Variants in HYDIN observed in about 807,000 individuals in gnomAD.
HYDIN encodes axonemal central pair apparatus protein HYDIN.
Under a neutral mutation model 403.9 loss-of-function variants are expected in HYDIN, and 132 were observed. The observed-to-expected ratio is 0.33, with a 90% CI of 0.28 to 0.38. The LOEUF (loss-of-function observed/expected upper bound fraction) is 0.38. HYDIN is among the 10% of genes least tolerant of loss of function. The probability of loss-of-function intolerance (pLI) is 1.00; values close to 1 mark genes in which losing one functional copy is unlikely to be tolerated. For synonymous variants in HYDIN, 1,202 were observed against 1,891.7 expected (o/e 0.64, Z 9.46); for missense variants, 2,827 against 5,009.5 (o/e 0.56, Z 13.15).
intron 47 of HYDIN, among the ~76,000 whole-genome samples, chr16:70,915,236 T>C (rs1300407741): frequency 1.3e-5 from 2 of 152,102 alleles, no homozygotes; most frequent in African/African-American, 2.4e-5. Flanking sequence ...ATTATCAGAG[T>C]TGGTTTTCTG....
Position 70,807,413 on chromosome 16 carries a change from G to T in HYDIN, c.*167C>A. 1 of 694,298 alleles carries T rather than the reference G, an allele frequency of 1.4e-6. No individual in the cohort carries two copies. The highest frequency in any genetic ancestry group is 2.3e-6 in the Non-Finnish European group (1 of 426,278). The allele number at this position is 694,298 out of a possible 1,614,324, so 43.0% of individuals were successfully genotyped here. A position where few individuals can be genotyped will look rare whatever the true frequency, so the allele number is the denominator to read the frequency against. ...TAGTTATAATGTTTAATATGGAATA[G>T]ATATTTCATATCTATATTTGGAAAA... On this transcript the variant is annotated 3_prime_UTR_variant, in exon 86 of 86. Transcript: ENST00000393567.
At chr16:70,834,974 G>GTATATATATATATATATACACACATATA (rs1159651250) in intron 78 of HYDIN, among the ~76,000 whole-genome samples, 1 of 124,616 alleles carries the variant, frequency 8.0e-6, no homozygotes, top group African/African-American at 4.3e-5. Flanking sequence ...ACATATATGT[G>GTATATATATATATATATACACACATATA]TGTATATATA....
intron 3 of HYDIN, among the ~76,000 whole-genome samples, chr16:71,180,820 T>G (rs2086869962): frequency 6.6e-6 from 1 of 152,100 alleles, no homozygotes; most frequent in South Asian, 2.1e-4. Context: ...AACCTACAAA[T>G]AAATCATTCT....
chr16:71,022,299 T>C (rs1258989066), intron 21 of HYDIN, among the ~76,000 whole-genome samples: 1 of 152,166 alleles, frequency 6.6e-6, no homozygotes. Flanking sequence ...CCCCTTCTCT[T>C]TGAGTTGTTC....
At chr16:71,043,179 G>T (rs2144203323) in intron 18 of HYDIN, among the ~76,000 whole-genome samples, 1 of 150,210 alleles carries the variant, frequency 6.7e-6, no homozygotes, top group African/African-American at 2.4e-5. Flanking sequence ...TAATTTTTTT[G>T]GTTTTGACCA....
At chr16:71,020,918 T>G (rs1165321031) in intron 21 of HYDIN, among the ~76,000 whole-genome samples, 1 of 151,180 alleles carries the variant, frequency 6.6e-6, no homozygotes, top group African/African-American at 2.4e-5. Context: ...GGTGCCTAAT[T>G]GAGAAAACCT....
intron 80 of HYDIN, among the ~76,000 whole-genome samples, chr16:70,832,301 T>TG (rs200451034): frequency 0.03 from 4,125 of 139,550 alleles, 78 homozygotes; most frequent in African/African-American, 0.11. Flanking sequence ...GCCTACCACA[T>TG]GACCCAGCCA....
intron 18 of HYDIN, among the ~76,000 whole-genome samples, chr16:71,041,121 G>C (rs966088150): frequency 6.8e-6 from 1 of 146,452 alleles, no homozygotes; most frequent in Non-Finnish European, 1.5e-5. Flanking sequence ...TTATTTGTTG[G>C]TCAGTAAATA....
chr16:71,051,314 A>G (rs897375354), intron 18 of HYDIN, among the ~76,000 whole-genome samples: 2 of 152,076 alleles, frequency 1.3e-5, no homozygotes, highest in African/African-American at 4.8e-5. Context: ...AATGTGACAT[A>G]GGCGTTTACC....
At chr16:71,217,502 C>T (rs572610532) in intron 1 of HYDIN, among the ~76,000 whole-genome samples, 21 of 152,232 alleles carry the variant, frequency 1.4e-4, no homozygotes, top group South Asian at 1.0e-3. Context: ...TAAAAATCCA[C>T]GAGTGGTGAC....
At chr16:71,066,734 G>A (rs982413472) in intron 15 of HYDIN, 8 of 366,932 alleles carry the variant, frequency 2.2e-5, no homozygotes, top group Non-Finnish European at 2.7e-5. Context: ...TAACCCAGCT[G>A]CCTCTCTCAA....
chr16:70,860,222 A>G lies in HYDIN; in HGVS notation c.11991-16T>C, dbSNP rs774319516. On this transcript the variant is annotated splice_polypyrimidine_tract_variant and intron_variant, in intron 70 of 85. Transcript: ENST00000393567. ...GGTAAAGGTCCTGGCCAGGGTGGAGAGAATTGACAGAAGAGAGTGGGACAG... is the reference window on the plus strand; with the variant it reads ...GGTAAAGGTCCTGGCCAGGGTGGAGGGAATTGACAGAAGAGAGTGGGACAG... 1 of 1,608,648 alleles carries G rather than the reference A, an allele frequency of 6.2e-7. No homozygotes were observed. The highest frequency in any genetic ancestry group is 8.5e-7 in the Non-Finnish European group (1 of 1,178,094).
intron 60 of HYDIN, among the ~76,000 whole-genome samples, chr16:70,881,257 A>C (rs1315867953): frequency 2.9e-5 from 4 of 135,702 alleles, no homozygotes; most frequent in Non-Finnish European, 6.1e-5. Context: ...AGTCTTCCTC[A>C]CTTTTTATGT....
chr16:71,060,155 G>T (rs973137711), intron 18 of HYDIN, among the ~76,000 whole-genome samples: 1 of 151,408 alleles, frequency 6.6e-6, no homozygotes, highest in Non-Finnish European at 1.5e-5. Flanking sequence ...CAGTTCAGTA[G>T]GGGAGCTTGT....
intron 22 of HYDIN, 124 bp downstream of exon 22, chr16:71,020,050 T>C: frequency 1.5e-6 from 1 of 677,838 alleles, no homozygotes; most frequent in East Asian, 2.9e-5. Context: ...CTTCCCTGTT[T>C]GCTTCCTGGA....
At chr16:71,132,797 T>C (rs1305483484) in intron 8 of HYDIN, 2 of 151,618 alleles carry the variant, frequency 1.3e-5, no homozygotes, top group African/African-American at 4.9e-5. Context: ...TGATGGAGAA[T>C]TGGAGCCAGG....
Position 71,142,954 on chromosome 16 carries a change from T to TAA in HYDIN, c.842-5604_842-5603dup, listed in dbSNP as rs987468506. Among the ~76,000 whole-genome samples, 12 of 152,124 alleles carry TAA rather than the reference T, an allele frequency of 7.9e-5. No individual in the cohort carries two copies. The East Asian group carries it at 9.7e-4, about 12-fold the overall frequency. On this transcript the variant is annotated intron_variant, in intron 7 of 85. Transcript: ENST00000393567. ...ATGAATGTGAAGGTAACTATATATA[T>TAA]AATACGCTTCATACTATGGTTTCAG...
chr16:70,949,393 T>G (rs1044108248), intron 41 of HYDIN, among the ~76,000 whole-genome samples: 43 of 151,490 alleles, frequency 2.8e-4, no homozygotes, highest in Non-Finnish European at 5.9e-4. Context: ...CACCAGCATG[T>G]CACATGTATA....
chr16:70,983,930 T>C (rs2079110217), intron 28 of HYDIN, among the ~76,000 whole-genome samples: 1 of 151,280 alleles, frequency 6.6e-6, no homozygotes, highest in African/African-American at 2.4e-5. Flanking sequence ...CTTTTTTATC[T>C]GTAATTTTCT....
Sources: allele counts gnomAD v4.1 joint callset (sites outside exome capture counted in the v4.1 genomes callset), GRCh38; gene constraint gnomAD v4.1.1; transcripts MANE v1.5; gene names NCBI Gene and HGNC (gene_info 2026-07-23, HGNC 2026-07-21).